Variants in FNDC1 observed in about 807,000 individuals in gnomAD.
The protein encoded by FNDC1 is fibronectin type III domain-containing protein 1.
A neutral mutation model predicts 168.0 loss-of-function variants in FNDC1; 96 were observed. The observed-to-expected ratio is 0.57, with a 90% CI of 0.48 to 0.68. The LOEUF is 0.68. FNDC1 is among the 30% of genes least tolerant of loss of function. The pLI, the probability that FNDC1 is intolerant of heterozygous loss-of-function variation, is 0.00. For missense variants in FNDC1, 2,587 were observed against 2,482.1 expected (o/e 1.04, Z -0.90); for synonymous variants, 1,099 against 1,025.9 (o/e 1.07, Z -1.36).
intron 5 of FNDC1, among the ~76,000 whole-genome samples, chr6:159,220,118 C>T (rs754288725): frequency 6.6e-6 from 1 of 152,192 alleles, no homozygotes; most frequent in Admixed American, 6.5e-5. Flanking sequence ...GAGTATCACC[C>T]GCTTTCTCTC....
At chr6:159,217,096 G>T (rs889714732) in intron 5 of FNDC1, among the ~76,000 whole-genome samples, 1 of 152,234 alleles carries the variant, frequency 6.6e-6, no homozygotes, top group Non-Finnish European at 1.5e-5. Flanking sequence ...GGCACCCATT[G>T]CGTGGCACCT....
Position 159,261,285 on chromosome 6 carries a change from C to T in FNDC1, c.5254+16C>T. On this transcript the variant is annotated intron_variant, in intron 19 of 22. Transcript: ENST00000297267. ...ACCGAATCAGGTATGAATGACTTCA[C>T]ATTCTGATTTGTTTTACTTTTCGAG... The T allele has an allele frequency of 1.9e-6, 3 of 1,563,822 alleles. No individual in the cohort carries two copies. Among genetic ancestry groups the T allele is most frequent in the Non-Finnish European group, 1.8e-6 (2 of 1,137,344 alleles).
chr6:159,202,245 A>T (rs74757461), intron 4 of FNDC1, among the ~76,000 whole-genome samples: 1,776 of 152,352 alleles, frequency 0.012, 33 homozygotes, highest in African/African-American at 0.041. Flanking sequence ...ACAACAACAA[A>T]AAAAACCCAG....
intron 5 of FNDC1, chr6:159,218,539 C>G (rs1022087304): frequency 1.3e-5 from 2 of 152,160 alleles, no homozygotes; most frequent in African/African-American, 4.8e-5. Context: ...AGCCTGTCTA[C>G]GCACTTATCC....
chr6:159,238,133 T>C (rs921222141), intron 12 of FNDC1, among the ~76,000 whole-genome samples: 8 of 150,734 alleles, frequency 5.3e-5, no homozygotes, highest in Non-Finnish European at 1.0e-4. Context: ...AGTCTTGCCC[T>C]GTCACACAGG....
At position 159,232,432 on chromosome 6, in the gene FNDC1, T is replaced by C. The variant is rs776809356; in HGVS notation, c.1920T>C (p.Asn640=). The C allele has an allele frequency of 1.9e-6, 3 of 1,611,900 alleles. No individual in the cohort carries two copies. The South Asian group carries it at 3.3e-5, about 18-fold the overall frequency. ...GTCCTTCCCTGCCTGCCAGCTTGAA[T>C]GACAACGACTTGGTGGACTCAGACG... ...SHRPSLPASL[N]DNDLVDSDED... The change falls in exon 11 of 23, where the codon AAT becomes AAC. Residue 640 remains asparagine (N), a synonymous_variant. Coordinates refer to ENST00000297267, the MANE Select transcript of FNDC1 (RefSeq NM_032532.3). The surrounding 1 kb of genome is among the most constrained non-coding windows in gnomAD (Gnocchi z 4.9).
At chr6:159,192,306 A>G (rs1294328578) in intron 1 of FNDC1, among the ~76,000 whole-genome samples, 1 of 152,248 alleles carries the variant, frequency 6.6e-6, no homozygotes, top group Non-Finnish European at 1.5e-5. Context: ...AACAAAACCA[A>G]GACCAAAAGC....
chr6:159,211,247 C>T (rs906162062), intron 4 of FNDC1, among the ~76,000 whole-genome samples: 5 of 152,254 alleles, frequency 3.3e-5, no homozygotes, highest in East Asian at 1.9e-4. Flanking sequence ...GGTGTCAGAT[C>T]GGTCAGTGGG....
intron 18 of FNDC1, among the ~76,000 whole-genome samples, chr6:159,256,967 T>G (rs1474382551): frequency 1.3e-5 from 2 of 152,250 alleles, no homozygotes; most frequent in Non-Finnish European, 2.9e-5. Flanking sequence ...ATCATGACCT[T>G]CATATGTGAA....
At chr6:159,214,735 C>T (rs558105498) in intron 4 of FNDC1, among the ~76,000 whole-genome samples, 5 of 152,248 alleles carry the variant, frequency 3.3e-5, no homozygotes, top group African/African-American at 1.2e-4. Flanking sequence ...TTCTTGAGAC[C>T]TTTTGGTATG....
At chr6:159,219,322 G>A (rs948525655) in intron 5 of FNDC1, among the ~76,000 whole-genome samples, 13 of 152,218 alleles carry the variant, frequency 8.5e-5, no homozygotes, top group East Asian at 3.8e-4. Flanking sequence ...GATTGCAGGC[G>A]TGAGCCACCT....
At chr6:159,227,831 A>G (rs142891366) in intron 9 of FNDC1, among the ~76,000 whole-genome samples, 33 of 152,262 alleles carry the variant, frequency 2.2e-4, no homozygotes, top group Admixed American at 9.2e-4. Context: ...AAAAAGGTCC[A>G]TGCATTAGTC....
At chr6:159,215,650 C>A (rs2114968214) in intron 5 of FNDC1, among the ~76,000 whole-genome samples, 1 of 152,266 alleles carries the variant, frequency 6.6e-6, no homozygotes, top group East Asian at 1.9e-4. Flanking sequence ...TTAACTCACA[C>A]AATCACAAGG....
At chr6:159,187,201 T>C (rs1782021394) in intron 1 of FNDC1, among the ~76,000 whole-genome samples, 1 of 152,094 alleles carries the variant, frequency 6.6e-6, no homozygotes, top group South Asian at 2.1e-4. Context: ...TGGAGTAGAA[T>C]CCAGTAAGTT....
chr6:159,221,960 G>A (rs539701340), intron 6 of FNDC1, among the ~76,000 whole-genome samples: 35 of 152,276 alleles, frequency 2.3e-4, no homozygotes, highest in South Asian at 1.0e-3. Flanking sequence ...GCAGCCAAGC[G>A]TTCATTCCAG....
rs1314461259 is a variant in FNDC1, at chr6:159,169,709, C to T, written c.109+4C>T. The T allele has an allele frequency of 1.2e-5, 14 of 1,126,428 alleles. No individual in the cohort carries two copies. In the East Asian group the frequency reaches 5.9e-4, roughly 47 times the overall value. The allele number at this position is 1,126,428 out of a possible 1,614,324, so 69.8% of individuals were successfully genotyped here. A position where few individuals can be genotyped will look rare whatever the true frequency, so the allele number is the denominator to read the frequency against. ...GCCTCCTCGGCGGCGGCCTCAGGTA[C>T]GCGCCGCGCCCGGGCCCCCGGCGCT... On this transcript the variant is annotated splice_donor_region_variant and intron_variant, in intron 1 of 22. Transcript: ENST00000297267. This position sits in a 1 kb window ranked among gnomAD's most constrained non-coding sequence, Gnocchi z 6.8.
chr6:159,240,862 A>G (rs1192422216), intron 14 of FNDC1: 1 of 152,234 alleles, frequency 6.6e-6, no homozygotes, highest in Non-Finnish European at 1.5e-5. Context: ...AATGAATTGC[A>G]ATGTCAATTA....
chr6:159,216,086 C>G (rs145416241), intron 5 of FNDC1, among the ~76,000 whole-genome samples: 1 of 152,076 alleles, frequency 6.6e-6, no homozygotes, highest in African/African-American at 2.4e-5. Flanking sequence ...CTCAGCCTCC[C>G]GAGTAGCTGG....
chr6:159,202,365 A>G (rs1782398265), intron 4 of FNDC1, among the ~76,000 whole-genome samples: 1 of 152,250 alleles, frequency 6.6e-6, no homozygotes, highest in Non-Finnish European at 1.5e-5. Flanking sequence ...CCATGTATCT[A>G]TACCTTTTGA....
Sources: gnomAD v4.1 joint callset for allele counts (sites outside exome capture counted in the v4.1 genomes callset) on GRCh38, gnomAD v4.1.1 for gene constraint, Gnocchi (gnomAD v3.1) non-coding constraint, MANE v1.5 for transcripts, NCBI Gene and HGNC (gene_info 2026-07-23, HGNC 2026-07-21) for gene names.